TUBGCP4: variants seen among roughly 807,000 people sequenced by gnomAD.
The protein encoded by TUBGCP4 is gamma-tubulin complex component 4.
TUBGCP4 carries 54 observed loss-of-function variants against 91.6 expected under a neutral mutation model. That is an observed-to-expected ratio of 0.59 (90% CI 0.47 to 0.74). TUBGCP4 has a LOEUF of 0.74. Ranked by LOEUF, TUBGCP4 falls within the 30% of genes least tolerant of loss-of-function variation. The pLI, the probability that TUBGCP4 is intolerant of heterozygous loss-of-function variation, is 0.00. For missense variants in TUBGCP4, 593 were observed against 800.9 expected, an observed-to-expected ratio of 0.74 and a Z score of 3.13; for synonymous variants, 297 against 302.8, an observed-to-expected ratio of 0.98 and a Z score of 0.20.
intron 14 of TUBGCP4, 72 bp downstream of exon 14, chr15:43,400,293 T>C (rs1315731233): frequency 7.6e-7 from 1 of 1,309,972 alleles, no homozygotes; most frequent in Non-Finnish European, 1.1e-6. Flanking sequence ...GAGTATTGAA[T>C]AGGGACTACA....
Position 43,401,840 on chromosome 15 carries a change from T to G in TUBGCP4, c.1721T>G (p.Leu574Arg). 6.2e-7 allele frequency: 1 copy of G among 1,614,152 alleles called. No homozygotes were observed. The highest frequency in any genetic ancestry group is 8.5e-7 in the Non-Finnish European group (1 of 1,180,002). The change falls in exon 15 of 18, where the codon CTA becomes CGA. Residue 574 changes from leucine (L) to arginine (R), a missense_variant. Leu to Arg is a moderately radical substitution (Grantham distance 102). Transcript: ENST00000564079. Reference sequence around the variant, plus strand: ...AATTTGCTGGCTCAATCCTTTATCCTATTGAAACCTGTAAGTAAGGCTCAT... The same window carrying G: ...AATTTGCTGGCTCAATCCTTTATCCGATTGAAACCTGTAAGTAAGGCTCAT... The part of the protein sequence containing the change: ...LSNLLAQSFI[L>R]LKPVFHCLNE...
Position 43,376,160 on chromosome 15 carries a change from G to A in TUBGCP4, c.141G>A (p.Arg47=). The A allele has an allele frequency of 6.2e-7, 1 of 1,614,094 alleles. No homozygotes were observed. Among genetic ancestry groups the A allele is most frequent in the South Asian group, 1.1e-5 (1 of 91,078 alleles). ...CCAGTGTCCTGAATCGACTCTGCCG[G>A]CTCGGCACAGACTATATTCGCTTCA... ...SETSVLNRLC[R]LGTDYIRFTE... The change falls in exon 2 of 18, where the codon CGG becomes CGA. Residue 47 remains arginine, a synonymous_variant. Coordinates refer to ENST00000564079, the MANE Select transcript of TUBGCP4 (RefSeq NM_014444.5).
chr15:43,371,236 A>C lies in TUBGCP4; in HGVS notation c.-119A>C. 2 of 1,085,544 alleles carry C rather than the reference A, an allele frequency of 1.8e-6. No homozygotes were observed. The highest frequency in any genetic ancestry group is 2.8e-5 in the South Asian group (2 of 71,936). The allele number at this position is 1,085,544 out of a possible 1,614,324, so 67.2% of individuals were successfully genotyped here. On this transcript the variant is annotated 5_prime_UTR_variant, in exon 1 of 18. Coordinates refer to ENST00000564079, the MANE Select transcript of TUBGCP4 (RefSeq NM_014444.5). ...TTGTCTCGGTGGGTTGATTCGGCACAAACCGCCCGACCCAGGGGCCGGTGC... is the reference window on the plus strand; with the variant it reads ...TTGTCTCGGTGGGTTGATTCGGCACCAACCGCCCGACCCAGGGGCCGGTGC...
Position 43,406,463 on chromosome 15 carries a change from T to C in TUBGCP4, c.*1249T>C, listed in dbSNP as rs1309941891. On this transcript the variant is annotated 3_prime_UTR_variant, in exon 18 of 18. Transcript: ENST00000564079. Reference sequence around the variant, plus strand: ...TGGCCTGCTGTCTGTTTTTGTACAGTTTTACTGAAACACAGCCATGCCCAT... The same window carrying C: ...TGGCCTGCTGTCTGTTTTTGTACAGCTTTACTGAAACACAGCCATGCCCAT... 1 of 379,802 alleles carries C rather than the reference T, an allele frequency of 2.6e-6. No individual in the cohort carries two copies. Among genetic ancestry groups the C allele is most frequent in the African/African-American group, 2.1e-5 (1 of 47,608 alleles). 23.5% of individuals were successfully genotyped at this position (379,802 alleles called of 1,614,324 possible). A position where few individuals can be genotyped will look rare whatever the true frequency, so the allele number is the denominator to read the frequency against.
chr15:43,389,734 T>C (rs539619200), intron 9 of TUBGCP4, among the ~76,000 whole-genome samples: 1 of 152,268 alleles, frequency 6.6e-6, no homozygotes, highest in South Asian at 2.1e-4. Flanking sequence ...TACCCAAGAC[T>C]GGGTAATTTA....
intron 3 of TUBGCP4, 41 bp downstream of exon 3, chr15:43,376,666 G>C (rs1242362882): frequency 6.2e-6 from 10 of 1,612,352 alleles, no homozygotes; most frequent in Admixed American, 3.3e-5. Context: ...TGGGACAGTA[G>C]ATTAGGGCAT....
chr15:43,382,710 C>T (rs183141198), intron 6 of TUBGCP4, among the ~76,000 whole-genome samples: 5 of 152,282 alleles, frequency 3.3e-5, no homozygotes, highest in Non-Finnish European at 5.9e-5. Context: ...GTTTTCATCA[C>T]GTCCTGCTCC....
chr15:43,392,311 A>C (rs1252212505), intron 9 of TUBGCP4, among the ~76,000 whole-genome samples: 1 of 151,632 alleles, frequency 6.6e-6, no homozygotes, highest in Admixed American at 6.6e-5. Context: ...AGTTTTTGGC[A>C]TGTAGTGTTT....
rs958742632 is a variant in TUBGCP4 at position 43,372,977 on chromosome 15, T to G, written c.78+1545T>G. ...CAGTTTCTGCCACATAGCAGGTGTTTAGGTATTGATGGAAGAAAAGAAGAC... is the reference window on the plus strand; with the variant it reads ...CAGTTTCTGCCACATAGCAGGTGTTGAGGTATTGATGGAAGAAAAGAAGAC... On this transcript the variant is annotated intron_variant, in intron 1 of 17. Transcript: ENST00000564079. Among the ~76,000 whole-genome samples the G allele has an allele frequency of 3.3e-5, 5 of 152,218 alleles. No homozygotes were observed. The South Asian group carries it at 8.3e-4, about 25-fold the overall frequency.
chr15:43,378,836 G>A (rs2044244353), intron 5 of TUBGCP4, among the ~76,000 whole-genome samples: 2 of 152,200 alleles, frequency 1.3e-5, no homozygotes, highest in African/African-American at 4.8e-5. Flanking sequence ...TGGTTAAGGG[G>A]TGTGCCCAGT....
chr15:43,400,630 C>T (rs1454379155), intron 14 of TUBGCP4, among the ~76,000 whole-genome samples: 1 of 152,012 alleles, frequency 6.6e-6, no homozygotes, highest in Non-Finnish European at 1.5e-5. Flanking sequence ...AAACTCCTGG[C>T]TTCAGCGAGG....
rs1038098787 is a variant in TUBGCP4 at position 43,405,328 on chromosome 15, A to C, written c.*114A>C. 4 of 1,219,570 alleles carry C rather than the reference A, an allele frequency of 3.3e-6. No homozygotes were observed. In the African/African-American group the frequency reaches 6.0e-5, roughly 18 times the overall value. The allele number at this position is 1,219,570 out of a possible 1,614,324, so 75.5% of individuals were successfully genotyped here. A position where few individuals can be genotyped will look rare whatever the true frequency, so the allele number is the denominator to read the frequency against. On this transcript the variant is annotated 3_prime_UTR_variant, in exon 18 of 18. Coordinates refer to ENST00000564079, the MANE Select transcript of TUBGCP4 (RefSeq NM_014444.5). ...TAAATATCTGCGGCTTAGTGATAGG[A>C]CTCTACCTTTTCTCCTAGAAGCAGT...
intron 16 of TUBGCP4, 56 bp downstream of exon 16, chr15:43,403,855 A>G (rs1347208737): frequency 3.9e-6 from 5 of 1,271,716 alleles, no homozygotes; most frequent in African/African-American, 2.9e-5. Flanking sequence ...GGTTTTGCCA[A>G]TGGAGAATTC....
At chr15:43,404,030 T>G (rs2044771009) in intron 16 of TUBGCP4, 3 of 555,852 alleles carry the variant, frequency 5.4e-6, no homozygotes, top group Non-Finnish European at 9.6e-6. Flanking sequence ...ATTCAGCCCA[T>G]CAAATAAGCA....
At chr15:43,400,888 AGCCTGGGC>A (rs1595499333) in intron 14 of TUBGCP4, among the ~76,000 whole-genome samples, 1 of 151,666 alleles carries the variant, frequency 6.6e-6, no homozygotes, top group East Asian at 1.9e-4. Context: ...ATTGCACTCC[AGCCTGGGC>A]AACAGAGTGA....
chr15:43,378,972 T>G (rs1399681161), intron 5 of TUBGCP4, among the ~76,000 whole-genome samples: 1 of 152,244 alleles, frequency 6.6e-6, no homozygotes, highest in African/African-American at 2.4e-5. Context: ...ATAGAGTTAA[T>G]GAGGACAGCA....
rs746801304 is a variant in TUBGCP4 at position 43,403,753 on chromosome 15, GCC to G, written c.1804_1805del (p.Pro602ThrfsTer3). Reference sequence around the variant, plus strand: ...TGTTCGCTGGTCAGTCAGAACCTAGGCCCACTGGATGAGCGTGGAGCCGCCCA... The same window carrying G: ...TGTTCGCTGGTCAGTCAGAACCTAGGCACTGGATGAGCGTGGAGCCGCCCA... On this transcript the variant is annotated frameshift_variant, in exon 16 of 18. Coordinates refer to ENST00000564079, the MANE Select transcript of TUBGCP4 (RefSeq NM_014444.5). LOFTEE classifies it high-confidence loss of function. 6.2e-7 allele frequency: 1 copy of G among 1,613,850 alleles called. No individual in the cohort carries two copies. The highest frequency in any genetic ancestry group is 2.2e-5 in the East Asian group (1 of 44,876).
chr15:43,403,066 AT>A (rs2044723183), intron 15 of TUBGCP4: 1 of 152,206 alleles, frequency 6.6e-6, no homozygotes, highest in African/African-American at 2.4e-5. Context: ...GCAGGTCATC[AT>A]CATTAAATAT....
At chr15:43,392,123 T>C (rs1203858178) in intron 9 of TUBGCP4, among the ~76,000 whole-genome samples, 1 of 143,218 alleles carries the variant, frequency 7.0e-6, no homozygotes, top group Non-Finnish European at 1.5e-5. Flanking sequence ...CACACACATA[T>C]TTTTTTTTGT....
Sources: allele counts gnomAD v4.1 joint callset (sites outside exome capture counted in the v4.1 genomes callset), GRCh38; gene constraint gnomAD v4.1.1; transcripts MANE v1.5; gene names NCBI Gene and HGNC (gene_info 2026-07-23, HGNC 2026-07-21).